Variants in ITSN1 observed in about 807,000 individuals in gnomAD.
ITSN1 encodes intersectin-1.
Under a neutral mutation model 239.8 loss-of-function variants are expected in ITSN1, and 58 were observed. The observed-to-expected ratio is 0.24, with a 90% CI of 0.20 to 0.30. The LOEUF is 0.30. Ranked by LOEUF, ITSN1 falls within the 10% of genes least tolerant of loss-of-function variation. ITSN1 has a pLI of 1.00. For synonymous variants in ITSN1, 780 were observed against 770.8 expected (o/e 1.01, Z -0.20); for missense variants, 1,558 against 2,103.3 (o/e 0.74, Z 5.07).
intron 8 of ITSN1, chr21:33,757,126 C>T (rs1357194690): frequency 1.3e-5 from 2 of 152,150 alleles, no homozygotes; most frequent in Non-Finnish European, 2.9e-5. Flanking sequence ...TGTTTGACAC[C>T]AGTGCTCCAT....
intron 30 of ITSN1, among the ~76,000 whole-genome samples, chr21:33,857,644 A>G (rs1296406280): frequency 6.6e-6 from 1 of 152,144 alleles, no homozygotes; most frequent in Non-Finnish European, 1.5e-5. Context: ...CCGCTGTTGG[A>G]GGAGTACAGG....
chr21:33,874,324 C>T (rs146350461), intron 33 of ITSN1, among the ~76,000 whole-genome samples: 23 of 152,210 alleles, frequency 1.5e-4, no homozygotes, highest in African/African-American at 5.3e-4. Context: ...CTGATGCACC[C>T]GTCTGCATGT....
At chr21:33,817,447 A>T in intron 22 of ITSN1, 1 of 1,304,420 alleles carries the variant, frequency 7.7e-7, no homozygotes, top group Non-Finnish European at 1.0e-6. Context: ...ATTTACGCTG[A>T]TGCCCCCAGG....
At chr21:33,802,922 C>A (rs538794152) in intron 20 of ITSN1, among the ~76,000 whole-genome samples, 2 of 152,172 alleles carry the variant, frequency 1.3e-5, no homozygotes, top group East Asian at 3.9e-4. Flanking sequence ...ATATATGAGA[C>A]CAAGGGTTAC....
In ITSN1 at chr21:33,888,342, G is replaced by A; in HGVS notation, c.*42G>A. The A allele has an allele frequency of 6.4e-7, 1 of 1,562,328 alleles. No individual in the cohort carries two copies. The highest frequency in any genetic ancestry group is 8.7e-7 in the Non-Finnish European group (1 of 1,149,828). On this transcript the variant is annotated 3_prime_UTR_variant, in exon 40 of 40. Transcript: ENST00000381318. ...GTGCTCAGCAGGGTCCCAGCCCACGGCCACACATGCTGTCTGGAAATTGTA... is the reference window on the plus strand; with the variant it reads ...GTGCTCAGCAGGGTCCCAGCCCACGACCACACATGCTGTCTGGAAATTGTA...
At chr21:33,742,969 CA>C (rs1569075183) in intron 5 of ITSN1, among the ~76,000 whole-genome samples, 2 of 151,876 alleles carry the variant, frequency 1.3e-5, no homozygotes, top group Non-Finnish European at 2.9e-5. Context: ...ATCACTACTT[CA>C]AAACAAGCTC....
At chr21:33,672,743 CCTT>C (rs2090368679) in intron 1 of ITSN1, among the ~76,000 whole-genome samples, 1 of 150,674 alleles carries the variant, frequency 6.6e-6, no homozygotes, top group African/African-American at 2.4e-5. Flanking sequence ...GACGGAGTCT[CCTT>C]CTGTCGCCAG....
chr21:33,766,506 C>T (rs1050292001), intron 10 of ITSN1, among the ~76,000 whole-genome samples: 3 of 152,176 alleles, frequency 2.0e-5, no homozygotes, highest in African/African-American at 7.2e-5. Context: ...TGACTGGCAT[C>T]CTCATTTACA....
chr21:33,861,801 C>T (rs978665259), intron 31 of ITSN1, among the ~76,000 whole-genome samples: 13 of 151,768 alleles, frequency 8.6e-5, no homozygotes, highest in Non-Finnish European at 4.4e-5. Flanking sequence ...AAAAAAATAG[C>T]CAGGCGTGGT....
At position 33,722,589 on chromosome 21, in the gene ITSN1, T is replaced by C; in HGVS notation, c.123T>C (p.Gly41=). 6.4e-7 allele frequency: 1 copy of C among 1,565,640 alleles called. No homozygotes were observed. The highest frequency in any genetic ancestry group is 8.6e-7 in the Non-Finnish European group (1 of 1,163,278). ...AAACTTTTTCTGTTTAATTTACAGGTGATCAAGCTAGAAACTTTTTTTTTC... is the reference window on the plus strand; with the variant it reads ...AAACTTTTTCTGTTTAATTTACAGGCGATCAAGCTAGAAACTTTTTTTTTC... ...SLKPISGFIT[G]DQARNFFFQS... is the part of the protein sequence containing the mutation. The change falls in exon 4 of 40, where the codon GGT becomes GGC. Residue 41 remains glycine (G), a splice_region_variant and synonymous_variant. Transcript: ENST00000381318.
At chr21:33,847,015 C>T (rs1207399487) in intron 29 of ITSN1, among the ~76,000 whole-genome samples, 13 of 152,210 alleles carry the variant, frequency 8.5e-5, no homozygotes, top group Admixed American at 5.9e-4. Context: ...GGGGCCCCTG[C>T]GGATCTATGC....
Position 33,839,979 on chromosome 21 carries a change from G to A in ITSN1, c.3661+3347G>A, listed in dbSNP as rs576433774. On this transcript the variant is annotated intron_variant, in intron 29 of 39. Transcript: ENST00000381318. ...GTCACCAGAGCTGAGGTTGAGAAGCGCAGGTCTCACCCCACTGGCCACTGT... is the reference window on the plus strand; with the variant it reads ...GTCACCAGAGCTGAGGTTGAGAAGCACAGGTCTCACCCCACTGGCCACTGT... Among the ~76,000 whole-genome samples the A allele has an allele frequency of 5.9e-5, 9 of 152,284 alleles. No individual in the cohort carries two copies. In the South Asian group the frequency reaches 1.7e-3, roughly 28 times the overall value.
chr21:33,738,056 G>A lies in ITSN1; in HGVS notation c.346+2852G>A, dbSNP rs1373433161. 7.2e-5 allele frequency among the ~76,000 whole-genome samples: 11 copies of A among 151,954 alleles called. No homozygotes were observed. In the East Asian group the frequency reaches 2.2e-3, roughly 30 times the overall value. The stretch of plus-strand genomic sequence containing the variant: ...AAATTAGCTGGGTATGGTGGTGTGT[G>A]CCTGTAGTCCTAACTGCTTGGGAGG... On this transcript the variant is annotated intron_variant, in intron 5 of 39. Coordinates refer to ENST00000381318, the MANE Select transcript of ITSN1 (RefSeq NM_003024.3).
At chr21:33,657,195 G>T (rs1467933827) in intron 1 of ITSN1, among the ~76,000 whole-genome samples, 1 of 152,176 alleles carries the variant, frequency 6.6e-6, no homozygotes, top group African/African-American at 2.4e-5. Context: ...GGAATCCCCA[G>T]TGTTTATTGT....
rs1602457783 is a variant in ITSN1 at position 33,824,407 on chromosome 21, A to G, written c.3183+754A>G. ...ATAAATGGAGTCATTTAACAGATCC[A>G]ATGCACATTTAAAAAAACCAACAAG... is the stretch of plus-strand genomic sequence containing the variant. On this transcript the variant is annotated intron_variant, in intron 25 of 39. Coordinates refer to ENST00000381318, the MANE Select transcript of ITSN1 (RefSeq NM_003024.3). Among the ~76,000 whole-genome samples, 3 of 152,300 alleles carry G rather than the reference A, an allele frequency of 2.0e-5. No individual in the cohort carries two copies. The East Asian group carries it at 5.8e-4, about 29-fold the overall frequency.
intron 29 of ITSN1, among the ~76,000 whole-genome samples, chr21:33,848,206 A>G (rs1431202364): frequency 1.3e-5 from 2 of 152,216 alleles, no homozygotes; most frequent in African/African-American, 4.8e-5. Flanking sequence ...TTGGAGATAA[A>G]TTCTTTAAAG....
At chr21:33,856,334 C>G (rs1979331548) in intron 29 of ITSN1, among the ~76,000 whole-genome samples, 1 of 152,142 alleles carries the variant, frequency 6.6e-6, no homozygotes, top group Non-Finnish European at 1.5e-5. Context: ...CCATACATTC[C>G]TGGAGGCCGG....
rs1317184565 is a variant in ITSN1 at position 33,823,674 on chromosome 21, T to C, written c.3183+21T>C. 1.2e-5 allele frequency: 19 copies of C among 1,603,072 alleles called. No homozygotes were observed. The East Asian group carries it at 3.3e-4, about 28-fold the overall frequency. On this transcript the variant is annotated intron_variant, in intron 25 of 39. Transcript: ENST00000381318. ...CAGAGGTAAACCCACATTAACTGTT[T>C]CCTCTCCCTTTCTGTGCGGTGATTC...
intron 5 of ITSN1, among the ~76,000 whole-genome samples, chr21:33,744,157 G>C (rs550763606): frequency 1.3e-5 from 2 of 152,256 alleles, no homozygotes; most frequent in East Asian, 3.9e-4. Flanking sequence ...AACTTTAAGG[G>C]GAGCAGGACT....
Sources: gnomAD v4.1 joint callset for allele counts (sites outside exome capture counted in the v4.1 genomes callset) on GRCh38, gnomAD v4.1.1 for gene constraint, MANE v1.5 for transcripts, NCBI Gene and HGNC (gene_info 2026-07-23, HGNC 2026-07-21) for gene names.